PRSS12: variants seen among roughly 807,000 people sequenced by gnomAD.
The protein encoded by PRSS12 is serine protease 12, also known as neurotrypsin.
In PRSS12, 85 loss-of-function variants were observed where a neutral mutation model predicts 104.4. The ratio of observed to expected loss-of-function variants is 0.81; its 90% CI spans 0.68 to 0.98. The LOEUF is 0.98. Among genes scored for constraint, PRSS12 ranks in the 50% least tolerant of loss-of-function variants. The pLI is 0.00. For synonymous variants in PRSS12, 454 were observed against 425.2 expected (o/e 1.07, Z -0.83); for missense variants, 1,141 against 1,139.2 (o/e 1.00, Z -0.02).
chr4:118,288,990 T>C (rs563108870), intron 11 of PRSS12, among the ~76,000 whole-genome samples: 1 of 152,276 alleles, frequency 6.6e-6, no homozygotes, highest in South Asian at 2.1e-4. Flanking sequence ...GTGAAAGCTA[T>C]GAGGGAATAA....
At chr4:118,288,300 T>A (rs1472047689) in intron 11 of PRSS12, among the ~76,000 whole-genome samples, 3 of 152,214 alleles carry the variant, frequency 2.0e-5, no homozygotes, top group African/African-American at 7.2e-5. Flanking sequence ...AAATACTATG[T>A]GTACTACAGA....
intron 8 of PRSS12, 64 bp downstream of exon 8, chr4:118,308,372 T>C: frequency 6.3e-7 from 1 of 1,597,118 alleles, no homozygotes; most frequent in Non-Finnish European, 8.6e-7. Flanking sequence ...ACTCATTAGA[T>C]TAAGCATTTA....
chr4:118,324,772 G>A (rs1429834683), intron 4 of PRSS12, among the ~76,000 whole-genome samples: 1 of 151,986 alleles, frequency 6.6e-6, no homozygotes, highest in Admixed American at 6.6e-5. Flanking sequence ...GAGTGCAGTG[G>A]CACAATCTCA....
chr4:118,298,713 G>A lies in PRSS12; in HGVS notation c.1837+20C>T. 6.2e-7 allele frequency: 1 copy of A among 1,609,368 alleles called. No individual in the cohort carries two copies. Among genetic ancestry groups the A allele is most frequent in the South Asian group, 1.1e-5 (1 of 90,978 alleles). On this transcript the variant is annotated intron_variant, in intron 9 of 12. Coordinates refer to ENST00000296498, the MANE Select transcript of PRSS12 (RefSeq NM_003619.4). ...AATTAGTATTCCTTGACTTGTTTAG[G>A]GCTCCAGAAGGTGACTTACCTTTAT...
chr4:118,313,177 T>G, intron 7 of PRSS12, 24 bp downstream of exon 7: 1 of 1,610,934 alleles, frequency 6.2e-7, no homozygotes, highest in Non-Finnish European at 8.5e-7. Context: ...TGATGGAAAC[T>G]TGAGAGCTGC....
In PRSS12 at chr4:118,281,973, G is replaced by T; in HGVS notation, c.2591C>A (p.Ala864Asp). The T allele has an allele frequency of 6.8e-7, 1 of 1,474,916 alleles. No homozygotes were observed. The highest frequency in any genetic ancestry group is 9.5e-7 in the Non-Finnish European group (1 of 1,052,842). 91.4% of individuals were successfully genotyped at this position (1,474,916 alleles called of 1,614,324 possible). The change falls in exon 13 of 13, where the codon GCC becomes GAC. Residue 864 changes from alanine (A) to aspartate (D), a missense_variant. Physicochemically the swap from Ala to Asp is moderately radical, Grantham distance 126. Coordinates refer to ENST00000296498, the MANE Select transcript of PRSS12 (RefSeq NM_003619.4). ...DSPGVYTKVSAFVPWIKSVTK... is the reference protein window; with the variant it reads ...DSPGVYTKVSDFVPWIKSVTK... ...GACACTTTTTATCCAAGGTACAAAG[G>T]CTGAGACTTTGGTATAAACACCAGG...
intron 1 of PRSS12, among the ~76,000 whole-genome samples, chr4:118,345,188 T>A (rs1287994616): frequency 1.3e-5 from 2 of 152,206 alleles, no homozygotes; most frequent in African/African-American, 4.8e-5. Flanking sequence ...AGAACCAGCA[T>A]TACACTTTGT....
chr4:118,335,726 A>C (rs2126041883), intron 2 of PRSS12, 75 bp from the exon 3 acceptor site: 35 of 1,372,884 alleles, frequency 2.5e-5, no homozygotes, highest in Non-Finnish European at 3.6e-5. Flanking sequence ...GGATTTGAAA[A>C]AAAATGGAAG....
intron 8 of PRSS12, among the ~76,000 whole-genome samples, chr4:118,302,912 T>C (rs894981091): frequency 2.0e-5 from 3 of 152,186 alleles, no homozygotes; most frequent in African/African-American, 7.2e-5. Context: ...TGTATAGGTA[T>C]AATGTAAAGA....
intron 6 of PRSS12, among the ~76,000 whole-genome samples, chr4:118,313,682 T>C (rs1743821722): frequency 6.6e-6 from 1 of 152,198 alleles, no homozygotes; most frequent in Non-Finnish European, 1.5e-5. Context: ...TCAGAGAGAA[T>C]GCAAAGAGAT....
chr4:118,326,750 TG>T (rs1433540809), intron 4 of PRSS12, among the ~76,000 whole-genome samples: 1 of 152,198 alleles, frequency 6.6e-6, no homozygotes, highest in Non-Finnish European at 1.5e-5. Context: ...CTCAAGACTC[TG>T]CCTCCCACTA....
At chr4:118,332,867 G>A (rs908844106) in intron 3 of PRSS12, among the ~76,000 whole-genome samples, 1 of 152,152 alleles carries the variant, frequency 6.6e-6, no homozygotes, top group Non-Finnish European at 1.5e-5. Context: ...CATATGCCTT[G>A]TACAAGGTGT....
chr4:118,308,721 T>G (rs778414598), intron 7 of PRSS12, 144 bp from the exon 8 acceptor site: 106 of 1,166,718 alleles, frequency 9.1e-5, no homozygotes, highest in Non-Finnish European at 1.2e-4. Flanking sequence ...AGGAGATATA[T>G]CAATAAAAAT....
chr4:118,335,424 T>C (rs2126041691), intron 3 of PRSS12, 49 bp downstream of exon 3: 12 of 1,598,538 alleles, frequency 7.5e-6, no homozygotes, highest in Non-Finnish European at 1.0e-5. Flanking sequence ...TGGAATCACG[T>C]TTAAAACATA....
Position 118,295,832 on chromosome 4 carries a change from A to C in PRSS12, c.1862T>G (p.Leu621Trp). Residue 621 changes from leucine to tryptophan, a missense_variant, in exon 10 of 13, where the codon TTG becomes TGG. Transcript: ENST00000296498. Reference sequence around the variant, plus strand: ...CTTCTGCCGACGGTGCAGTAATCTCAAGCCACAAACAGATGAGAGGGACTC... The same window carrying C: ...CTTCTGCCGACGGTGCAGTAATCTCCAGCCACAAACAGATGAGAGGGACTC... ...NKESLSSVCG[L>W]RLLHRRQKRI... is the part of the protein sequence containing the mutation. 5 of 1,614,112 alleles carry C rather than the reference A, an allele frequency of 3.1e-6. No individual in the cohort carries two copies. Among genetic ancestry groups the C allele is most frequent in the Non-Finnish European group, 4.2e-6 (5 of 1,179,952 alleles).
chr4:118,294,879 G>A, intron 11 of PRSS12, 60 bp downstream of exon 11: 2 of 1,605,466 alleles, frequency 1.2e-6, no homozygotes, highest in Non-Finnish European at 8.5e-7. Flanking sequence ...GAGCATGAGG[G>A]GATTGGAAGA....
At chr4:118,346,740 C>T (rs540370333) in intron 1 of PRSS12, among the ~76,000 whole-genome samples, 1 of 152,290 alleles carries the variant, frequency 6.6e-6, no homozygotes, top group South Asian at 2.1e-4. Flanking sequence ...CTAAGCTCTG[C>T]CTCCTATCAG....
intron 1 of PRSS12, among the ~76,000 whole-genome samples, chr4:118,346,367 C>T (rs1724354076): frequency 1.3e-5 from 2 of 149,868 alleles, no homozygotes; most frequent in Non-Finnish European, 3.0e-5. Flanking sequence ...CCAAATCTTC[C>T]AAAAGCATCT....
intron 4 of PRSS12, among the ~76,000 whole-genome samples, chr4:118,327,383 C>T (rs1291555949): frequency 6.6e-6 from 1 of 152,036 alleles, no homozygotes; most frequent in African/African-American, 2.4e-5. Context: ...AACTACTGGG[C>T]TCAAGCAGTC....
Sources: allele counts gnomAD v4.1 joint callset (sites outside exome capture counted in the v4.1 genomes callset), GRCh38; gene constraint gnomAD v4.1.1; transcripts MANE v1.5; gene names NCBI Gene and HGNC (gene_info 2026-07-23, HGNC 2026-07-21).